The following ELOVL7 variants were observed in gnomAD, a reference collection of about 807,000 sequenced individuals.
ELOVL7 encodes ELOVL fatty acid elongase 7, also known as very long chain fatty acid elongase 7.
A neutral mutation model predicts 35.7 loss-of-function variants in ELOVL7; 27 were observed. The ratio of observed to expected loss-of-function variants is 0.76; its 90% CI spans 0.56 to 1.04. The LOEUF (loss-of-function observed/expected upper bound fraction) is 1.04, where lower values mean the gene tolerates loss of function less well. Among genes scored for constraint, ELOVL7 ranks in the 50% least tolerant of loss-of-function variants. The probability of loss-of-function intolerance (pLI) is 0.00; values close to 1 mark genes in which losing one functional copy is unlikely to be tolerated. For synonymous variants in ELOVL7, 113 were observed against 114.6 expected (o/e 0.99, Z 0.09); for missense variants, 327 against 340.8 (o/e 0.96, Z 0.32).
intron 2 of ELOVL7, among the ~76,000 whole-genome samples, chr5:60,789,426 CA>C (rs537797507): frequency 6.4e-4 from 97 of 152,190 alleles, no homozygotes; most frequent in East Asian, 2.7e-3. Context: ...AAAATTCAAA[CA>C]TTTTTTTTAT....
intron 1 of ELOVL7, among the ~76,000 whole-genome samples, chr5:60,811,168 C>CT (rs913035759): frequency 1.3e-5 from 2 of 151,856 alleles, no homozygotes; most frequent in Non-Finnish European, 2.9e-5. Flanking sequence ...GTCAGTTGTA[C>CT]TTTTTTTAAA....
chr5:60,837,299 T>G (rs2112405174), intron 1 of ELOVL7, among the ~76,000 whole-genome samples: 1 of 5,482 alleles, frequency 1.8e-4, no homozygotes, highest in Admixed American at 2.1e-3. Context: ...CGGGCAGGCG[T>G]GGTAGGGCGG....
intron 7 of ELOVL7, among the ~76,000 whole-genome samples, chr5:60,762,677 A>G (rs12109027): frequency 5.4e-4 from 83 of 152,308 alleles, no homozygotes; most frequent in African/African-American, 2.0e-3. Context: ...AATAAATTAT[A>G]AGGATGTGAA....
chr5:60,813,578 T>G (rs1745355531), intron 1 of ELOVL7, among the ~76,000 whole-genome samples: 1 of 152,160 alleles, frequency 6.6e-6, no homozygotes, highest in African/African-American at 2.4e-5. Context: ...GTAAGTTATT[T>G]CTCACCTGCC....
In ELOVL7 at chr5:60,754,576, G is replaced by T; in HGVS notation, c.*48C>A. 6.6e-7 allele frequency: 1 copy of T among 1,524,792 alleles called. No homozygotes were observed. The highest frequency in any genetic ancestry group is 9.1e-7 in the Non-Finnish European group (1 of 1,100,488). The allele number at this position is 1,524,792 out of a possible 1,614,324, so 94.5% of individuals were successfully genotyped here. A position where few individuals can be genotyped will look rare whatever the true frequency, so the allele number is the denominator to read the frequency against. ...CTGCATAGGTAAATATCTCTTGATT[G>T]TCAAGGAAGACAATGTATCAGTTTC... On this transcript the variant is annotated 3_prime_UTR_variant, in exon 9 of 9. Coordinates refer to ENST00000508821, the MANE Select transcript of ELOVL7 (RefSeq NM_024930.3).
intron 2 of ELOVL7, among the ~76,000 whole-genome samples, chr5:60,797,526 A>G (rs1311613683): frequency 6.6e-6 from 1 of 152,238 alleles, no homozygotes. Context: ...CCTGGCACAG[A>G]AAAGCATCCT....
At chr5:60,828,479 T>A (rs1181869916) in intron 1 of ELOVL7, among the ~76,000 whole-genome samples, 2 of 152,212 alleles carry the variant, frequency 1.3e-5, no homozygotes, top group African/African-American at 2.4e-5. Flanking sequence ...TCAGGTAAAG[T>A]ATTTATAGCT....
At chr5:60,767,369 C>A (rs114078724) in intron 5 of ELOVL7, among the ~76,000 whole-genome samples, 2,911 of 152,288 alleles carry the variant, frequency 0.019, 92 homozygotes, top group African/African-American at 0.066. Context: ...GCTAGGATTA[C>A]AAGCGTAAGC....
At chr5:60,759,875 G>A (rs1030172816) in intron 7 of ELOVL7, among the ~76,000 whole-genome samples, 1 of 151,970 alleles carries the variant, frequency 6.6e-6, no homozygotes, top group African/African-American at 2.4e-5. Flanking sequence ...ACCTATGAGT[G>A]AGAATATGAG....
intron 2 of ELOVL7, among the ~76,000 whole-genome samples, chr5:60,795,864 C>T (rs376393808): frequency 6.6e-6 from 1 of 152,196 alleles, no homozygotes; most frequent in African/African-American, 2.4e-5. Flanking sequence ...TAACACTCAC[C>T]GCATGGCCCA....
chr5:60,809,045 T>TA (rs1027520961), intron 1 of ELOVL7, among the ~76,000 whole-genome samples: 4 of 152,140 alleles, frequency 2.6e-5, no homozygotes, highest in African/African-American at 2.4e-5. Context: ...GTTTTTTCTT[T>TA]AAAAAATAAT....
intron 3 of ELOVL7, among the ~76,000 whole-genome samples, chr5:60,780,114 C>T (rs1338662131): frequency 2.4e-5 from 3 of 124,336 alleles, no homozygotes; most frequent in South Asian, 2.6e-4. Flanking sequence ...CAAACTTTCC[C>T]TTTTTTTTTT....
At chr5:60,838,093 T>C (rs1283254097) in intron 1 of ELOVL7, among the ~76,000 whole-genome samples, 1 of 152,202 alleles carries the variant, frequency 6.6e-6, no homozygotes, top group Non-Finnish European at 1.5e-5. Flanking sequence ...TTTTCCTTCT[T>C]ACAGGCTTCC....
chr5:60,841,120 G>A (rs1579956264), intron 1 of ELOVL7, among the ~76,000 whole-genome samples: 1 of 151,194 alleles, frequency 6.6e-6, no homozygotes, highest in Admixed American at 6.6e-5. Flanking sequence ...CTGCCTCCTG[G>A]GTTCAAGCGA....
intron 1 of ELOVL7, among the ~76,000 whole-genome samples, chr5:60,838,557 C>T (rs1348042952): frequency 6.6e-6 from 1 of 152,176 alleles, no homozygotes; most frequent in Non-Finnish European, 1.5e-5. Flanking sequence ...CTGAAACTCC[C>T]CAGTTTTATC....
At chr5:60,799,368 AAAC>A (rs1443877230) in intron 1 of ELOVL7, 138 bp from the exon 2 acceptor site, 2 of 152,148 alleles carry the variant, frequency 1.3e-5, no homozygotes, top group Non-Finnish European at 2.9e-5. Context: ...AAGACTAGAA[AAAC>A]AATAAAAAGA....
intron 1 of ELOVL7, among the ~76,000 whole-genome samples, chr5:60,810,852 G>A (rs1421782819): frequency 6.6e-6 from 1 of 152,164 alleles, no homozygotes; most frequent in African/African-American, 2.4e-5. Flanking sequence ...TACCGACCCA[G>A]GGGAGGTGAG....
intron 3 of ELOVL7, chr5:60,785,715 T>A (rs540320882): frequency 2.0e-5 from 3 of 151,650 alleles, no homozygotes; most frequent in Non-Finnish European, 2.9e-5. Context: ...ACTTGAATAT[T>A]CTGTGTATCA....
intron 1 of ELOVL7, among the ~76,000 whole-genome samples, chr5:60,835,377 A>G (rs1746733442): frequency 6.6e-6 from 1 of 151,844 alleles, no homozygotes; most frequent in African/African-American, 2.4e-5. Context: ...AGGCAAGCTC[A>G]GGATATTTTT....
Sources: gnomAD v4.1 joint callset for allele counts (sites outside exome capture counted in the v4.1 genomes callset) on GRCh38, gnomAD v4.1.1 for gene constraint, MANE v1.5 for transcripts, NCBI Gene and HGNC (gene_info 2026-07-23, HGNC 2026-07-21) for gene names.